The following TMEM41A variants were observed in gnomAD, a reference collection of about 807,000 sequenced individuals.
The protein encoded by TMEM41A is transmembrane protein 41A.
In TMEM41A, 20 loss-of-function variants were observed where a neutral mutation model predicts 25.7. The ratio of observed to expected loss-of-function variants is 0.78; its 90% CI spans 0.55 to 1.13. The LOEUF (loss-of-function observed/expected upper bound fraction) is 1.13, where lower values mean the gene tolerates loss of function less well. TMEM41A is among the 50% of genes most tolerant of loss of function. The pLI, the probability that TMEM41A is intolerant of heterozygous loss-of-function variation, is 0.00. For missense variants in TMEM41A, 299 were observed against 314.3 expected (o/e 0.95, Z 0.37); for synonymous variants, 133 against 139.6 (o/e 0.95, Z 0.33).
At chr3:185,496,622 G>T in intron 2 of TMEM41A, 1 of 635,308 alleles carries the variant, frequency 1.6e-6, no homozygotes, top group Non-Finnish European at 2.8e-6. Flanking sequence ...TGGGGTGGGA[G>T]AGGGAAGCAG....
chr3:185,493,343 G>T (rs568028008), intron 4 of TMEM41A: 1 of 152,100 alleles, frequency 6.6e-6, no homozygotes, highest in Non-Finnish European at 1.5e-5. Flanking sequence ...TTTAGATATC[G>T]TCTAATTCAG....
In TMEM41A at chr3:185,494,725, A is replaced by G. The variant is rs952062258; in HGVS notation, c.472T>C (p.Leu158=). ...ENRNSLFFFL[L]FLRLFPMTPN... is the part of the protein sequence containing the mutation. ...GTCATGGGGAAAAGTCTCAAAAACA[A>G]TAAGAAAAAAAACAAGCTGTTTCTG... Residue 158 remains leucine, a synonymous_variant, in exon 4 of 5, where the codon TTG becomes CTG. Coordinates refer to ENST00000421852, the MANE Select transcript of TMEM41A (RefSeq NM_080652.4). 6.2e-7 allele frequency: 1 copy of G among 1,610,568 alleles called. No homozygotes were observed. Among genetic ancestry groups the G allele is most frequent in the Non-Finnish European group, 8.5e-7 (1 of 1,177,908 alleles).
intron 1 of TMEM41A, 96 bp downstream of exon 1, chr3:185,498,747 A>C: frequency 1.1e-6 from 1 of 941,650 alleles, no homozygotes; most frequent in Non-Finnish European, 1.6e-6. Context: ...AACGCCTCCG[A>C]TACCGGAACC....
chr3:185,491,617 T>A lies in TMEM41A; in HGVS notation c.715A>T (p.Ile239Phe). 1.2e-6 allele frequency: 2 copies of A among 1,614,220 alleles called. No homozygotes were observed. Among genetic ancestry groups the A allele is most frequent in the Non-Finnish European group, 1.7e-6 (2 of 1,180,040 alleles). The change falls in exon 5 of 5, where the codon ATT (isoleucine) becomes TTT (phenylalanine). Residue 239 changes from isoleucine (I) to phenylalanine (F), a missense_variant. By Grantham distance (21) the Ile-to-Phe change is conservative. Coordinates refer to ENST00000421852, the MANE Select transcript of TMEM41A (RefSeq NM_080652.4). ...AGATGTTTCTGACTAAATTTTTTAA[T>A]GAGGGTTCCAGGAATTAATGCCACC... is the stretch of plus-strand genomic sequence containing the variant. The part of the protein sequence containing the change: ...AMVALIPGTL[I>F]KKFSQKHLQL...
Position 185,494,642 on chromosome 3 carries a change from G to A in TMEM41A, c.555C>T (p.Phe185=). 6.2e-7 allele frequency: 1 copy of A among 1,608,884 alleles called. No homozygotes were observed. The highest frequency in any genetic ancestry group is 8.5e-7 in the Non-Finnish European group (1 of 1,178,144). ...APILNIPIVQ[F]FFSVLIGLIP... The stretch of plus-strand genomic sequence containing the variant: ...TCTTACCGATAAGAACTGAGAAGAA[G>A]AACTGCACGATGGGAATGTTCAGAA... The change falls in exon 4 of 5, where the codon TTC becomes TTT. Residue 185 remains phenylalanine, a synonymous_variant. Transcript: ENST00000421852.
intron 2 of TMEM41A, chr3:185,495,638 C>T (rs1719080717): frequency 3.4e-6 from 1 of 291,048 alleles, no homozygotes; most frequent in Non-Finnish European, 6.6e-6. Flanking sequence ...GATGGGGTCT[C>T]ACTGTGTTGC....
rs151156113 is a variant in TMEM41A, at chr3:185,494,676, G to A, written c.521C>T (p.Ser174Leu). Residue 174 changes from serine to leucine, a missense_variant, in exon 4 of 5, where the codon TCG becomes TTG. Transcript: ENST00000421852. ...PMTPNWFLNLSAPILNIPIVQ... is the reference protein window; with the variant it reads ...PMTPNWFLNLLAPILNIPIVQ... The stretch of plus-strand genomic sequence containing the variant: ...GATGGGAATGTTCAGAATTGGGGCC[G>A]AGAGGTTCAAGAACCAGTTTGGTGT... The A allele has an allele frequency of 1.8e-5, 29 of 1,612,414 alleles. No individual in the cohort carries two copies. In the African/African-American group the frequency reaches 2.4e-4, roughly 13 times the overall value.
chr3:185,495,364 G>C (rs2148939396), intron 2 of TMEM41A, 49 bp from the exon 3 acceptor site: 1 of 1,579,400 alleles, frequency 6.3e-7, no homozygotes, highest in East Asian at 2.3e-5. Context: ...GCAGCTACCA[G>C]GCACGTCATC....
rs1191294484 is a variant in TMEM41A at position 185,496,981 on chromosome 3, C to G, written c.120G>C (p.Arg40Ser). The G allele has an allele frequency of 6.3e-7, 1 of 1,591,836 alleles. No homozygotes were observed. The highest frequency in any genetic ancestry group is 2.3e-5 in the East Asian group (1 of 44,356). The change falls in exon 2 of 5, where the codon AGG becomes AGC. Residue 40 changes from arginine to serine, a missense_variant and splice_region_variant. Physicochemically the swap from Arg to Ser is moderately radical, Grantham distance 110 (BLOSUM62 -1). Transcript: ENST00000421852. ...CCAGGTCGGAGGGGAACCACAGCGA[C>G]CTGGGGATTTGGAAAAGCAGATGGA... The part of the protein sequence containing the change: ...RLGSTEEAGG[R>S]SLWFPSDLAE...
chr3:185,491,155 G>T lies in TMEM41A; in HGVS notation c.*382C>A, dbSNP rs1444912368. ...TGGGATTACAGGTGCCTGCCACCACGCCTGGCTAATTTTTGTATTTTTATT... is the reference window on the plus strand; with the variant it reads ...TGGGATTACAGGTGCCTGCCACCACTCCTGGCTAATTTTTGTATTTTTATT... On this transcript the variant is annotated 3_prime_UTR_variant, in exon 5 of 5. Transcript: ENST00000421852. 1.1e-5 allele frequency: 2 copies of T among 177,398 alleles called. No individual in the cohort carries two copies. The highest frequency in any genetic ancestry group is 1.1e-4 in the Admixed American group (2 of 17,462). The allele number at this position is 177,398 out of a possible 1,614,324, so 11.0% of individuals were successfully genotyped here.
chr3:185,497,326 G>A (rs754578299), intron 1 of TMEM41A, among the ~76,000 whole-genome samples: 24 of 152,192 alleles, frequency 1.6e-4, no homozygotes, highest in Non-Finnish European at 3.5e-4. Flanking sequence ...TTTAGAATCT[G>A]TTCTTAAGAG....
chr3:185,497,003 T>C (rs1432458010), intron 1 of TMEM41A, 22 bp from the exon 2 acceptor site: 8 of 1,581,390 alleles, frequency 5.1e-6, no homozygotes, highest in Non-Finnish European at 6.9e-6. Context: ...GAAAAGCAGA[T>C]GGAAACATGA....
intron 1 of TMEM41A, among the ~76,000 whole-genome samples, chr3:185,497,445 G>A (rs890137232): frequency 6.6e-6 from 1 of 152,186 alleles, no homozygotes; most frequent in Non-Finnish European, 1.5e-5. Flanking sequence ...AACTGTTCCT[G>A]AGGTGCCAAG....
At position 185,495,166 on chromosome 3, in the gene TMEM41A, C is replaced by T. The variant is rs202149800; in HGVS notation, c.423G>A (p.Leu141=). Residue 141 remains leucine (L), a synonymous_variant, in exon 3 of 5, where the codon CTG becomes CTA. Coordinates refer to ENST00000421852, the MANE Select transcript of TMEM41A (RefSeq NM_080652.4). ...CCCCTCCCCTTACCTTTCTCTGCAG[C>T]AGGGCCACTTTATCAGGAAAGTAGG... The part of the protein sequence containing the change: ...VVSYFPDKVA[L]LQRKVEENRN... The T allele has an allele frequency of 6.2e-7, 1 of 1,613,784 alleles. No individual in the cohort carries two copies. Among genetic ancestry groups the T allele is most frequent in the Non-Finnish European group, 8.5e-7 (1 of 1,180,008 alleles).
rs764450299 is a variant in TMEM41A at position 185,498,962 on chromosome 3, G to A, written c.-1C>T. 7 of 1,596,672 alleles carry A rather than the reference G, an allele frequency of 4.4e-6. No individual in the cohort carries two copies. The highest frequency in any genetic ancestry group is 6.0e-6 in the Non-Finnish European group (7 of 1,172,724). On this transcript the variant is annotated 5_prime_UTR_variant, in exon 1 of 5. Transcript: ENST00000421852. Reference sequence around the variant, plus strand: ...GAAGGAGGCCGAGAAGCGGGCGCATGTCGGCTCCGCACCCCGGCCCGCGGG... The same window carrying A: ...GAAGGAGGCCGAGAAGCGGGCGCATATCGGCTCCGCACCCCGGCCCGCGGG...
At chr3:185,494,898 T>G (rs1234559292) in intron 3 of TMEM41A, 137 bp from the exon 4 acceptor site, 1 of 1,158,906 alleles carries the variant, frequency 8.6e-7, no homozygotes, top group African/African-American at 1.6e-5. Flanking sequence ...AGGGAAAGAC[T>G]GTTTTCCTCA....
In TMEM41A at chr3:185,491,459, A is replaced by G. The variant is rs1219807404; in HGVS notation, c.*78T>C. On this transcript the variant is annotated 3_prime_UTR_variant, in exon 5 of 5. Coordinates refer to ENST00000421852, the MANE Select transcript of TMEM41A (RefSeq NM_080652.4). ...CACCTATAGAAGGCAATCAAAAACA[A>G]TGAGGGGCTTTAGAGGACCACATCC... The G allele has an allele frequency of 1.7e-6, 2 of 1,192,894 alleles. No homozygotes were observed. Among genetic ancestry groups the G allele is most frequent in the Non-Finnish European group, 2.4e-6 (2 of 821,880 alleles). The allele number at this position is 1,192,894 out of a possible 1,614,324, so 73.9% of individuals were successfully genotyped here.
In TMEM41A at chr3:185,491,289, C is replaced by T. The variant is rs987042421; in HGVS notation, c.*248G>A. On this transcript the variant is annotated 3_prime_UTR_variant, in exon 5 of 5. Coordinates refer to ENST00000421852, the MANE Select transcript of TMEM41A (RefSeq NM_080652.4). ...GGGATTACAGGCGTGAGCCACCGCG[C>T]CCGGCCACAAACAGCATTTTCTAGG... The T allele has an allele frequency of 5.5e-6, 2 of 362,410 alleles. No individual in the cohort carries two copies. The highest frequency in any genetic ancestry group is 1.0e-5 in the Non-Finnish European group (2 of 195,646). 22.4% of individuals were successfully genotyped at this position (362,410 alleles called of 1,614,324 possible). A position where few individuals can be genotyped will look rare whatever the true frequency, so the allele number is the denominator to read the frequency against.
At chr3:185,496,560 C>G (rs1457975914) in intron 2 of TMEM41A, 2 of 504,174 alleles carry the variant, frequency 4.0e-6, no homozygotes, top group African/African-American at 1.9e-5. Context: ...TAGTTTCCGA[C>G]AAGGAAACTG....
Sources: allele counts gnomAD v4.1 joint callset (sites outside exome capture counted in the v4.1 genomes callset), GRCh38; gene constraint gnomAD v4.1.1; transcripts MANE v1.5; gene names NCBI Gene and HGNC (gene_info 2026-07-23, HGNC 2026-07-21).